The following PEBP4 variants were observed in gnomAD, a reference collection of about 807,000 sequenced individuals.
PEBP4 encodes the protein phosphatidylethanolamine-binding protein 4.
In PEBP4, 22 loss-of-function variants were observed where a neutral mutation model predicts 23.9. The ratio of observed to expected loss-of-function variants is 0.92; its 90% CI spans 0.66 to 1.31. PEBP4 has a LOEUF of 1.31. PEBP4 is among the 40% of genes most tolerant of loss of function. PEBP4 has a pLI of 0.00. For synonymous variants in PEBP4, 112 were observed against 99.3 expected, an observed-to-expected ratio of 1.13 and a Z score of -0.76; for missense variants, 324 against 281.7, an observed-to-expected ratio of 1.15 and a Z score of -1.07.
intron 2 of PEBP4, among the ~76,000 whole-genome samples, chr8:22,922,998 C>A (rs1809244520): frequency 6.6e-6 from 1 of 152,198 alleles, no homozygotes; most frequent in Non-Finnish European, 1.5e-5. Context: ...ATATCGGGGA[C>A]ATCACATATG....
chr8:22,938,287 T>G (rs1224966536), intron 1 of PEBP4, among the ~76,000 whole-genome samples: 2 of 152,312 alleles, frequency 1.3e-5, no homozygotes, highest in Admixed American at 6.5e-5. Flanking sequence ...CAATCAGCTG[T>G]GCTCTCTCCC....
chr8:22,916,552 G>A (rs555937874), intron 3 of PEBP4, among the ~76,000 whole-genome samples: 2 of 152,264 alleles, frequency 1.3e-5, no homozygotes, highest in African/African-American at 4.8e-5. Context: ...GGGTTCACTA[G>A]GTTTAGCAGC....
In PEBP4 at chr8:22,901,350, G is replaced by A. The variant is rs1377704515; in HGVS notation, c.258+18834C>T. Among the ~76,000 whole-genome samples, 18 of 152,236 alleles carry A rather than the reference G, an allele frequency of 1.2e-4. No homozygotes were observed. The East Asian group carries it at 2.5e-3, about 21-fold the overall frequency. Reference sequence around the variant, plus strand: ...TAGACGTGATGAGTGAAGATGGATCGGGACTCTGTCTTGTGTCAGCAGAGT... The same window carrying A: ...TAGACGTGATGAGTGAAGATGGATCAGGACTCTGTCTTGTGTCAGCAGAGT... On this transcript the variant is annotated intron_variant, in intron 3 of 6. Coordinates refer to ENST00000256404, the MANE Select transcript of PEBP4 (RefSeq NM_144962.3).
intron 4 of PEBP4, among the ~76,000 whole-genome samples, chr8:22,790,753 T>C (rs1172977578): frequency 6.6e-6 from 1 of 152,194 alleles, no homozygotes; most frequent in Non-Finnish European, 1.5e-5. Flanking sequence ...GGGGTTTAAT[T>C]GCTGTTACTG....
At chr8:22,837,066 A>C (rs1807219114) in intron 3 of PEBP4, among the ~76,000 whole-genome samples, 1 of 152,210 alleles carries the variant, frequency 6.6e-6, no homozygotes, top group East Asian at 1.9e-4. Flanking sequence ...TCAAAGTATG[A>C]ATCATCTTTC....
At chr8:22,813,181 C>T (rs761712871) in intron 4 of PEBP4, among the ~76,000 whole-genome samples, 6 of 152,126 alleles carry the variant, frequency 3.9e-5, no homozygotes, top group African/African-American at 4.8e-5. Flanking sequence ...AAAATAATGA[C>T]CCTTTAGAGA....
intron 3 of PEBP4, among the ~76,000 whole-genome samples, chr8:22,914,767 C>CA (rs1399926976): frequency 6.6e-6 from 1 of 152,204 alleles, no homozygotes; most frequent in Non-Finnish European, 1.5e-5. Flanking sequence ...CTGGATGCTA[C>CA]AGCCTCCTCA....
chr8:22,933,033 C>A (rs1467635422), intron 1 of PEBP4, among the ~76,000 whole-genome samples: 1 of 150,100 alleles, frequency 6.7e-6, no homozygotes, highest in Non-Finnish European at 1.5e-5. Flanking sequence ...TTGGAAATTT[C>A]ATTTTCTTTC....
rs1332489795 is a variant in PEBP4 at position 22,865,356 on chromosome 8, GGGCGGTGACGGTGGC to G, written c.259-47636_259-47622del. Among the ~76,000 whole-genome samples, 3 of 61,424 alleles carry G rather than the reference GGGCGGTGACGGTGGC, an allele frequency of 4.9e-5. No individual in the cohort carries two copies. Among genetic ancestry groups the G allele is most frequent in the African/African-American group, 1.1e-4 (2 of 18,988 alleles). 40.3% of individuals were successfully genotyped at this position (61,424 alleles called of 152,430 possible). On this transcript the variant is annotated intron_variant, in intron 3 of 6. Coordinates refer to ENST00000256404, the MANE Select transcript of PEBP4 (RefSeq NM_144962.3). This position sits in a 1 kb window ranked among gnomAD's most constrained non-coding sequence, Gnocchi z 6.9. ...GCGGCGTCTCCCGCTGCCCACCCAC[GGGCGGTGACGGTGGC>G]GGTGGCGGTGGCGGCGGCGGGACCC...
At chr8:22,890,375 G>A (rs1430806904) in intron 3 of PEBP4, among the ~76,000 whole-genome samples, 4 of 152,228 alleles carry the variant, frequency 2.6e-5, no homozygotes, top group Admixed American at 2.0e-4. Flanking sequence ...TTTGGGCAGC[G>A]ATTCTCTAGA....
At chr8:22,914,935 T>G (rs1436950075) in intron 3 of PEBP4, among the ~76,000 whole-genome samples, 1 of 152,206 alleles carries the variant, frequency 6.6e-6, no homozygotes, top group Non-Finnish European at 1.5e-5. Context: ...CACATTGTCC[T>G]GGCATAACTA....
chr8:22,849,649 T>C (rs1807510949), intron 3 of PEBP4, among the ~76,000 whole-genome samples: 1 of 152,258 alleles, frequency 6.6e-6, no homozygotes. Context: ...CCAGTGCTGC[T>C]GTCGCATTCT....
intron 3 of PEBP4, among the ~76,000 whole-genome samples, chr8:22,851,815 G>A (rs1212675861): frequency 6.6e-6 from 1 of 152,056 alleles, no homozygotes; most frequent in African/African-American, 2.4e-5. Flanking sequence ...GAGACAGCCG[G>A]ATGCACTGCA....
intron 3 of PEBP4, among the ~76,000 whole-genome samples, chr8:22,828,877 C>T (rs1424932148): frequency 6.6e-6 from 1 of 152,102 alleles, no homozygotes; most frequent in African/African-American, 2.4e-5. Context: ...TCTCAACCAT[C>T]GACTTCCATA....
chr8:22,715,299 T>G (rs753309089), intron 6 of PEBP4, among the ~76,000 whole-genome samples: 25 of 152,246 alleles, frequency 1.6e-4, no homozygotes, highest in Non-Finnish European at 3.4e-4. Context: ...GAGTGTCCTT[T>G]CAGAGGGGCT....
intron 6 of PEBP4, among the ~76,000 whole-genome samples, chr8:22,724,578 T>C (rs1804584786): frequency 6.6e-6 from 1 of 152,200 alleles, no homozygotes; most frequent in Non-Finnish European, 1.5e-5. Flanking sequence ...GTCACCTGCT[T>C]TGAGACCCTG....
intron 4 of PEBP4, among the ~76,000 whole-genome samples, chr8:22,739,897 T>TG (rs1235380266): frequency 1.3e-5 from 2 of 152,034 alleles, no homozygotes; most frequent in African/African-American, 2.4e-5. Context: ...AAGGCTGGGC[T>TG]GGGGGGATGG....
chr8:22,774,610 T>A lies in PEBP4; in HGVS notation c.357+43027A>T, dbSNP rs576039651. ...TCACCGATGGGGGGTAGGGGCCGAGTCCCCTCCACCTGGCAAACCCAGCTG... is the reference window on the plus strand; with the variant it reads ...TCACCGATGGGGGGTAGGGGCCGAGACCCCTCCACCTGGCAAACCCAGCTG... On this transcript the variant is annotated intron_variant, in intron 4 of 6. Transcript: ENST00000256404. Among the ~76,000 whole-genome samples, 5 of 151,954 alleles carry A rather than the reference T, an allele frequency of 3.3e-5. No homozygotes were observed. The South Asian group carries it at 1.0e-3, about 32-fold the overall frequency.
intron 3 of PEBP4, among the ~76,000 whole-genome samples, chr8:22,858,272 G>A (rs1023479844): frequency 7.9e-5 from 12 of 152,150 alleles, no homozygotes; most frequent in African/African-American, 2.4e-4. Flanking sequence ...AAATAGTGAC[G>A]GCATCTGAGG....
Sources: allele counts gnomAD v4.1 joint callset (sites outside exome capture counted in the v4.1 genomes callset), GRCh38; gene constraint gnomAD v4.1.1; non-coding constraint Gnocchi (gnomAD v3.1); transcripts MANE v1.5; gene names NCBI Gene and HGNC (gene_info 2026-07-23, HGNC 2026-07-21).